CLEC18B: variants seen among roughly 807,000 people sequenced by gnomAD.
The protein encoded by CLEC18B is mannose receptor-like 2.
CLEC18B carries 5 observed loss-of-function variants against 60.4 expected under a neutral mutation model. The ratio of observed to expected loss-of-function variants is 0.08; its 90% CI spans 0.04 to 0.17. The LOEUF (loss-of-function observed/expected upper bound fraction) is 0.17. Among genes scored for constraint, CLEC18B ranks in the 10% least tolerant of loss-of-function variants. CLEC18B has a pLI of 1.00. For missense variants in CLEC18B, 26 were observed against 572.8 expected, an observed-to-expected ratio of 0.05 and a Z score of 9.74; for synonymous variants, 16 against 221.2, an observed-to-expected ratio of 0.07 and a Z score of 8.23.
At chr16:74,418,771 G>A (rs1455358113) in intron 2 of CLEC18B, among the ~76,000 whole-genome samples, 15 of 151,930 alleles carry the variant, frequency 9.9e-5, no homozygotes, top group Admixed American at 2.0e-4. Context: ...TCCCCACCAC[G>A]CACAGCTGAC....
chr16:74,410,157 T>G (rs1386913447), intron 10 of CLEC18B, among the ~76,000 whole-genome samples: 2 of 152,286 alleles, frequency 1.3e-5, no homozygotes, highest in Non-Finnish European at 2.9e-5. Context: ...CAGGGTTGTA[T>G]TGTGAATGAG....
intron 1 of CLEC18B, among the ~76,000 whole-genome samples, chr16:74,420,897 C>CA (rs1476428035): frequency 2.5e-5 from 3 of 121,886 alleles, no homozygotes; most frequent in African/African-American, 9.2e-5. Flanking sequence ...CTCCAGGCCC[C>CA]AGCCACAGCG....
At chr16:74,419,121 T>C (rs1346931299) in intron 2 of CLEC18B, among the ~76,000 whole-genome samples, 5 of 152,276 alleles carry the variant, frequency 3.3e-5, no homozygotes, top group Non-Finnish European at 5.9e-5. Flanking sequence ...ACAAGGGGCC[T>C]GGCAATCACC....
intron 3 of CLEC18B, among the ~76,000 whole-genome samples, chr16:74,417,055 G>A (rs2013446195): frequency 6.6e-6 from 1 of 150,814 alleles, no homozygotes; most frequent in South Asian, 2.2e-4. Context: ...CTTGAGGTCA[G>A]GAGTTTGAGA....
At chr16:74,419,950 G>C (rs1424252092) in intron 2 of CLEC18B, among the ~76,000 whole-genome samples, 1 of 152,242 alleles carries the variant, frequency 6.6e-6, no homozygotes, top group Non-Finnish European at 1.5e-5. Context: ...AGCCCCAGCC[G>C]GGCTGGTGGG....
upstream of CLEC18B, among the ~76,000 whole-genome samples, chr16:74,422,667 G>T (rs1382178324): frequency 1.4e-5 from 2 of 146,394 alleles, no homozygotes; most frequent in East Asian, 4.2e-4. Context: ...CCTGTTTTTT[G>T]ATGTATTTTT....
intron 3 of CLEC18B, among the ~76,000 whole-genome samples, 173 bp from the exon 4 acceptor site, chr16:74,413,849 CTTAT>C (rs3863433): frequency 0.16 from 22,137 of 141,660 alleles, 33 homozygotes; most frequent in Admixed American, 0.2. Context: ...TTCAGGAAGG[CTTAT>C]TTATTTATTT....
At chr16:74,409,361 TG>T (rs1410168523) in intron 11 of CLEC18B, among the ~76,000 whole-genome samples, 188 bp downstream of exon 11, 1 of 149,338 alleles carries the variant, frequency 6.7e-6, no homozygotes, top group Non-Finnish European at 1.5e-5. Flanking sequence ...TGTATGAAGC[TG>T]GGCCCGTCAT....
chr16:74,422,632 G>A (rs1356855465), upstream of CLEC18B, among the ~76,000 whole-genome samples: 1 of 145,852 alleles, frequency 6.9e-6, no homozygotes, highest in Non-Finnish European at 1.5e-5. Flanking sequence ...CACTGCGTGT[G>A]GGTCCTAGCA....
upstream of CLEC18B, chr16:74,421,876 A>G (rs954157147): frequency 7.1e-6 from 1 of 140,494 alleles, no homozygotes; most frequent in African/African-American, 2.7e-5. Flanking sequence ...CGCACACCAG[A>G]GGGGTGCAAT....
At chr16:74,410,159 G>C (rs1294237657) in intron 10 of CLEC18B, among the ~76,000 whole-genome samples, 1 of 152,298 alleles carries the variant, frequency 6.6e-6, no homozygotes, top group Non-Finnish European at 1.5e-5. Flanking sequence ...GGGTTGTATT[G>C]TGAATGAGTG....
chr16:74,411,817 CCCTGCCCTTT>C, intron 7 of CLEC18B, 42 bp from the exon 8 acceptor site: 1 of 1,162,364 alleles, frequency 8.6e-7, no homozygotes, highest in Non-Finnish European at 1.3e-6. Flanking sequence ...ACTTCAGAAT[CCCTGCCCTTT>C]CCTGCCCTGC....
chr16:74,422,427 C>T (rs1262453246), upstream of CLEC18B: 1 of 151,676 alleles, frequency 6.6e-6, no homozygotes, highest in African/African-American at 2.4e-5. Context: ...TCCGTGGAAG[C>T]TCTGCTGAGA....
chr16:74,409,414 A>G, intron 11 of CLEC18B, 136 bp downstream of exon 11: 1 of 1,406,236 alleles, frequency 7.1e-7, no homozygotes, highest in South Asian at 1.3e-5. Flanking sequence ...AAGGCCATCA[A>G]CAGGGCATCC....
chr16:74,416,606 T>TCAGG (rs2013426951), intron 3 of CLEC18B, among the ~76,000 whole-genome samples: 1 of 145,108 alleles, frequency 6.9e-6, no homozygotes, highest in Non-Finnish European at 1.5e-5. Flanking sequence ...ACTCCCGGGC[T>TCAGG]CAGGCAATCC....
At chr16:74,419,721 C>A (rs2013590569) in intron 2 of CLEC18B, among the ~76,000 whole-genome samples, 1 of 151,546 alleles carries the variant, frequency 6.6e-6, no homozygotes, top group African/African-American at 2.4e-5. Context: ...CATTTAGCCA[C>A]CCCACCCCCA....
At chr16:74,422,654 C>G (rs1287672691), upstream of CLEC18B, among the ~76,000 whole-genome samples, 1 of 144,800 alleles carries the variant, frequency 6.9e-6, no homozygotes, top group Non-Finnish European at 1.5e-5. Flanking sequence ...TGCTTAATAG[C>G]TACCTGTTTT....
chr16:74,421,403 GA>G lies in CLEC18B; in HGVS notation c.-134del, dbSNP rs1332908194. ...TGGTGGACAAAAGAGGGGGGCTGGTGAACAAAAGAAGGAGGCTGGTGAGTGA... is the reference window on the plus strand; with the variant it reads ...TGGTGGACAAAAGAGGGGGGCTGGTGACAAAAGAAGGAGGCTGGTGAGTGA... On this transcript the variant is annotated 5_prime_UTR_variant, in exon 1 of 12. An upstream open reading frame in the 5' UTR loses its in-frame stop. Transcript: ENST00000682950. 1 of 1,595,428 alleles carries G rather than the reference GA, an allele frequency of 6.3e-7. No individual in the cohort carries two copies. The highest frequency in any genetic ancestry group is 8.5e-7 in the Non-Finnish European group (1 of 1,171,662).
chr16:74,414,404 G>C (rs1349241031), intron 3 of CLEC18B, among the ~76,000 whole-genome samples: 6 of 152,132 alleles, frequency 3.9e-5, no homozygotes, highest in Non-Finnish European at 7.4e-5. Context: ...CCTTGAATCT[G>C]GCTGGCTCTG....
Sources: allele counts gnomAD v4.1 joint callset (sites outside exome capture counted in the v4.1 genomes callset), GRCh38; gene constraint gnomAD v4.1.1; transcripts MANE v1.5; gene names NCBI Gene and HGNC (gene_info 2026-07-23, HGNC 2026-07-21).